PDCD6IP: variants seen among roughly 807,000 people sequenced by gnomAD.
PDCD6IP encodes the protein programmed cell death 6 interacting protein, also known as programmed cell death 6-interacting protein.
PDCD6IP carries 43 observed loss-of-function variants against 103.7 expected under a neutral mutation model. That is an observed-to-expected ratio of 0.41 (90% CI 0.32 to 0.53). The LOEUF (loss-of-function observed/expected upper bound fraction) is 0.53. Ranked by LOEUF, PDCD6IP falls within the 20% of genes least tolerant of loss-of-function variation. PDCD6IP has a pLI of 0.16. For missense variants in PDCD6IP, 871 were observed against 1,036.7 expected (o/e 0.84, Z 2.20); for synonymous variants, 354 against 378.7 (o/e 0.93, Z 0.76).
chr3:33,858,816 A>C (rs562466238), intron 15 of PDCD6IP, among the ~76,000 whole-genome samples: 8 of 150,580 alleles, frequency 5.3e-5, no homozygotes, highest in African/African-American at 2.0e-4. Flanking sequence ...TCTCAAAAAC[A>C]AAAACAAAAC....
chr3:33,868,784 G>A lies in PDCD6IP; in HGVS notation c.*2259G>A, dbSNP rs1179698847. 1 of 152,182 alleles carries A rather than the reference G, an allele frequency of 6.6e-6. No homozygotes were observed. Among genetic ancestry groups the A allele is most frequent in the African/African-American group, 2.4e-5 (1 of 41,448 alleles). The allele number at this position is 152,182 out of a possible 1,614,324, so 9.4% of individuals were successfully genotyped here. ...ATCATCCCCAGACCATTTATGCTGA[G>A]CTTTGGAATACTATTTTAAACTGGA... On this transcript the variant is annotated 3_prime_UTR_variant, in exon 18 of 18. Coordinates refer to ENST00000307296, the MANE Select transcript of PDCD6IP (RefSeq NM_013374.6).
chr3:33,812,302 G>A (rs1696737373), intron 2 of PDCD6IP, among the ~76,000 whole-genome samples, 176 bp downstream of exon 2: 1 of 152,168 alleles, frequency 6.6e-6, no homozygotes, highest in South Asian at 2.1e-4. Context: ...TTCTGTTCAT[G>A]TCATTCTTCA....
At chr3:33,838,780 A>ATATATATATT (rs1000679834) in intron 9 of PDCD6IP, among the ~76,000 whole-genome samples, 1 of 151,258 alleles carries the variant, frequency 6.6e-6, no homozygotes, top group Non-Finnish European at 1.5e-5. Context: ...GTATGTGTAT[A>ATATATATATT]TATATATATT....
intron 3 of PDCD6IP, among the ~76,000 whole-genome samples, chr3:33,818,029 G>C (rs1696894603): frequency 6.7e-6 from 1 of 149,874 alleles, no homozygotes; most frequent in Non-Finnish European, 1.5e-5. Flanking sequence ...CAACATAATA[G>C]ACTGAGATAT....
intron 13 of PDCD6IP, among the ~76,000 whole-genome samples, chr3:33,853,222 A>C (rs1372524749): frequency 6.6e-6 from 1 of 152,142 alleles, no homozygotes; most frequent in Non-Finnish European, 1.5e-5. Flanking sequence ...CATGCCCTGC[A>C]GAAACAAAGT....
At chr3:33,819,020 A>G (rs1451946375) in intron 3 of PDCD6IP, among the ~76,000 whole-genome samples, 3 of 151,942 alleles carry the variant, frequency 2.0e-5, no homozygotes, top group Admixed American at 6.6e-5. Context: ...TTGAACACTT[A>G]TATCTCCCTT....
chr3:33,806,340 T>C (rs1194683014), intron 1 of PDCD6IP, among the ~76,000 whole-genome samples: 1 of 152,142 alleles, frequency 6.6e-6, no homozygotes, highest in Non-Finnish European at 1.5e-5. Context: ...AAGGAGGTAT[T>C]ATTACTCTTT....
In PDCD6IP at chr3:33,852,113, A is replaced by G. The variant is rs373371658; in HGVS notation, c.1642-375A>G. Among the ~76,000 whole-genome samples the G allele has an allele frequency of 4.4e-3, 673 of 152,306 alleles. 11 individuals carry two copies. The highest frequency in any genetic ancestry group is 4.9e-3 in the Non-Finnish European group (334 of 68,014). The stretch of plus-strand genomic sequence containing the variant: ...ACCTCTGCCCCTTAGTAGCTGTATA[A>G]CCATGTCACTTAATTTTTCTGAGAC... On this transcript the variant is annotated intron_variant, in intron 12 of 17. Coordinates refer to ENST00000307296, the MANE Select transcript of PDCD6IP (RefSeq NM_013374.6).
At chr3:33,846,041 T>G (rs1189242475) in intron 12 of PDCD6IP, among the ~76,000 whole-genome samples, 1 of 152,174 alleles carries the variant, frequency 6.6e-6, no homozygotes, top group Admixed American at 6.5e-5. Flanking sequence ...AGCACCATCA[T>G]GGTATTTCTA....
chr3:33,852,863 A>G (rs1242611294), intron 13 of PDCD6IP, 127 bp downstream of exon 13: 1 of 1,143,534 alleles, frequency 8.7e-7, no homozygotes, highest in African/African-American at 1.6e-5. Context: ...AGAACTTAAT[A>G]CATGTATATT....
chr3:33,850,473 G>A (rs904214693), intron 12 of PDCD6IP, among the ~76,000 whole-genome samples: 1 of 151,644 alleles, frequency 6.6e-6, no homozygotes, highest in Non-Finnish European at 1.5e-5. Context: ...AACCATATTC[G>A]TTAGTTTCTG....
intron 9 of PDCD6IP, among the ~76,000 whole-genome samples, chr3:33,840,974 C>T (rs1697454392): frequency 6.6e-6 from 1 of 151,782 alleles, no homozygotes; most frequent in Non-Finnish European, 1.5e-5. Flanking sequence ...GAACTGTAAG[C>T]CGACGATACC....
intron 3 of PDCD6IP, among the ~76,000 whole-genome samples, chr3:33,821,209 T>C (rs1696985221): frequency 6.6e-6 from 1 of 151,458 alleles, no homozygotes; most frequent in African/African-American, 2.4e-5. Context: ...GGGGTCTTGC[T>C]GTGTTGCTCA....
intron 4 of PDCD6IP, among the ~76,000 whole-genome samples, chr3:33,823,960 C>G (rs13074810): frequency 0.079 from 12,091 of 152,220 alleles, 603 homozygotes; most frequent in Middle Eastern, 0.15. Context: ...GGAAAGATAA[C>G]TGGTGGTATT....
chr3:33,825,435 C>A, intron 5 of PDCD6IP, 95 bp downstream of exon 5: 1 of 1,120,080 alleles, frequency 8.9e-7, no homozygotes, highest in Non-Finnish European at 1.2e-6. Flanking sequence ...CAATGTCGAG[C>A]TGTCCTTCTT....
chr3:33,865,751 C>G (rs534700435), intron 17 of PDCD6IP, among the ~76,000 whole-genome samples: 90 of 152,218 alleles, frequency 5.9e-4, no homozygotes, highest in Non-Finnish European at 1.1e-3. Flanking sequence ...CGTAGCATAG[C>G]AAAACTGATA....
Position 33,825,230 on chromosome 3 carries a change from C to G in PDCD6IP, c.506C>G (p.Ser169Cys). The part of the protein sequence containing the change: ...AFLHIKETVL[S>C]ALSREPTVDI... ...TTACATATTAAAGAGACGGTTTTAT[C>G]TGCCTTAAGTCGAGAGCCGACCGTG... Residue 169 changes from serine to cysteine, a missense_variant, in exon 5 of 18, where the codon TCT (serine) becomes TGT (cysteine). Transcript: ENST00000307296. 1 of 1,612,364 alleles carries G rather than the reference C, an allele frequency of 6.2e-7. No homozygotes were observed. The highest frequency in any genetic ancestry group is 8.5e-7 in the Non-Finnish European group (1 of 1,179,608).
intron 7 of PDCD6IP, among the ~76,000 whole-genome samples, chr3:33,834,332 C>A (rs1352628778): frequency 6.6e-6 from 1 of 152,204 alleles, no homozygotes; most frequent in Non-Finnish European, 1.5e-5. Flanking sequence ...ACCCTTAGCA[C>A]TTCCCTTTCT....
intron 3 of PDCD6IP, among the ~76,000 whole-genome samples, chr3:33,817,371 T>C (rs1696878163): frequency 6.6e-6 from 1 of 152,240 alleles, no homozygotes; most frequent in Non-Finnish European, 1.5e-5. Flanking sequence ...GAAGATGAGA[T>C]GTTGGGTGAT....
Sources: gnomAD v4.1 joint callset for allele counts (sites outside exome capture counted in the v4.1 genomes callset) on GRCh38, gnomAD v4.1.1 for gene constraint, MANE v1.5 for transcripts, NCBI Gene and HGNC (gene_info 2026-07-23, HGNC 2026-07-21) for gene names.